ASTN2: variants seen among roughly 807,000 people sequenced by gnomAD.
The protein encoded by ASTN2 is astrotactin-2.
A neutral mutation model predicts 139.8 loss-of-function variants in ASTN2; 54 were observed. The observed-to-expected ratio is 0.39, with a 90% CI of 0.31 to 0.48. The LOEUF (loss-of-function observed/expected upper bound fraction) is 0.48. Among genes scored for constraint, ASTN2 ranks in the 20% least tolerant of loss-of-function variants. The pLI, the probability that ASTN2 is intolerant of heterozygous loss-of-function variation, is 0.95. For synonymous variants in ASTN2, 756 were observed against 719.5 expected, an observed-to-expected ratio of 1.05 and a Z score of -0.81; for missense variants, 1,565 against 1,725.1, an observed-to-expected ratio of 0.91 and a Z score of 1.64.
chr9:116,943,673 C>A, intron 10 of ASTN2, among the ~76,000 whole-genome samples: 1 of 152,090 alleles, frequency 6.6e-6, no homozygotes, highest in Non-Finnish European at 1.5e-5. Flanking sequence ...ACATAAAATC[C>A]CTATCTTTGG....
chr9:117,074,088 T>C (rs1422325335), intron 5 of ASTN2, among the ~76,000 whole-genome samples: 3 of 70,388 alleles, frequency 4.3e-5, no homozygotes, highest in East Asian at 4.5e-4. Context: ...TTCTGTTCTA[T>C]TGAGGAAAAA....
intron 1 of ASTN2, among the ~76,000 whole-genome samples, chr9:117,350,013 A>G (rs1039776854): frequency 1.3e-5 from 2 of 152,206 alleles, no homozygotes; most frequent in Admixed American, 1.3e-4. Context: ...AGTCTATAGT[A>G]TAGTTAACAG....
chr9:116,480,626 G>C (rs1451471444), intron 20 of ASTN2, among the ~76,000 whole-genome samples: 3 of 152,178 alleles, frequency 2.0e-5, no homozygotes, highest in African/African-American at 2.4e-5. Flanking sequence ...GTGTGTCTGT[G>C]TGCATGACAG....
chr9:117,088,805 G>A (rs1318250735), intron 5 of ASTN2, among the ~76,000 whole-genome samples: 6 of 152,168 alleles, frequency 3.9e-5, no homozygotes, highest in African/African-American at 1.2e-4. Flanking sequence ...TGAGAAAAGC[G>A]AGGTCCAGAG....
At chr9:117,157,850 A>C (rs1015476225) in intron 3 of ASTN2, among the ~76,000 whole-genome samples, 4 of 151,992 alleles carry the variant, frequency 2.6e-5, no homozygotes, top group African/African-American at 9.7e-5. Flanking sequence ...CATATATAAG[A>C]AGACTTTCAT....
intron 2 of ASTN2, among the ~76,000 whole-genome samples, chr9:117,242,990 C>A (rs2133076784): frequency 6.6e-6 from 1 of 152,358 alleles, no homozygotes; most frequent in Non-Finnish European, 1.5e-5. Flanking sequence ...CCATCGTCAT[C>A]ATCATCATCA....
intron 10 of ASTN2, among the ~76,000 whole-genome samples, chr9:116,870,674 T>C (rs573529293): frequency 5.3e-5 from 8 of 152,172 alleles, no homozygotes; most frequent in Non-Finnish European, 2.9e-5. Context: ...CCTAATTACC[T>C]GACCGGTAAA....
intron 11 of ASTN2, among the ~76,000 whole-genome samples, chr9:116,838,587 C>A (rs908801238): frequency 6.1e-5 from 7 of 114,086 alleles, no homozygotes; most frequent in Admixed American, 6.1e-4. Flanking sequence ...CCATGCCCAG[C>A]AATTTTTTTT....
At chr9:117,408,394 C>T (rs1375282360) in intron 1 of ASTN2, among the ~76,000 whole-genome samples, 1 of 152,142 alleles carries the variant, frequency 6.6e-6, no homozygotes, top group Non-Finnish European at 1.5e-5. Flanking sequence ...CCTTGTGAGT[C>T]TGTGATGCTG....
chr9:117,076,669 T>C lies in ASTN2; in HGVS notation c.1276+19375A>G, dbSNP rs764648437. 9.2e-5 allele frequency among the ~76,000 whole-genome samples: 14 copies of C among 152,130 alleles called. 1 individual carries two copies. In the South Asian group the frequency reaches 1.0e-3, roughly 11 times the overall value. On this transcript the variant is annotated intron_variant, in intron 5 of 22. Coordinates refer to ENST00000313400, the MANE Select transcript of ASTN2 (RefSeq NM_001365068.1). ...AATTCAGGTGAAAATGACACCAACT[T>C]GTCTAAGGCAGGGGCAGCGGGGGTG... is the stretch of plus-strand genomic sequence containing the variant.
At chr9:117,063,197 C>A (rs998461671) in intron 5 of ASTN2, among the ~76,000 whole-genome samples, 1 of 152,126 alleles carries the variant, frequency 6.6e-6, no homozygotes, top group African/African-American at 2.4e-5. Flanking sequence ...AATTCTTAGA[C>A]ACAGTTTATA....
chr9:116,594,590 T>C (rs543546111), intron 19 of ASTN2, among the ~76,000 whole-genome samples: 1 of 152,330 alleles, frequency 6.6e-6, no homozygotes, highest in Non-Finnish European at 1.5e-5. Flanking sequence ...AGTCACTTTA[T>C]GTTCAGCCAG....
chr9:117,082,903 T>C (rs1364026114), intron 5 of ASTN2, among the ~76,000 whole-genome samples: 2 of 152,224 alleles, frequency 1.3e-5, no homozygotes, highest in Non-Finnish European at 2.9e-5. Flanking sequence ...TGCCATTTTT[T>C]AGAGCTTGGC....
chr9:116,895,485 G>A (rs746746349), intron 10 of ASTN2, among the ~76,000 whole-genome samples: 21 of 152,142 alleles, frequency 1.4e-4, no homozygotes, highest in Non-Finnish European at 2.5e-4. Flanking sequence ...TTCATAAGAG[G>A]GTGGAAGTGG....
At chr9:117,106,224 T>C (rs969072646) in intron 4 of ASTN2, among the ~76,000 whole-genome samples, 1 of 152,136 alleles carries the variant, frequency 6.6e-6, no homozygotes, top group African/African-American at 2.4e-5. Flanking sequence ...CATATTTCTT[T>C]TCTTCTTTTT....
intron 19 of ASTN2, among the ~76,000 whole-genome samples, chr9:116,512,590 T>G (rs1228044745): frequency 6.6e-6 from 1 of 152,190 alleles, no homozygotes; most frequent in Non-Finnish European, 1.5e-5. Flanking sequence ...CTGTCTAATG[T>G]TGACAGTGGG....
At chr9:117,348,428 A>T (rs1007258953) in intron 1 of ASTN2, among the ~76,000 whole-genome samples, 1 of 152,210 alleles carries the variant, frequency 6.6e-6, no homozygotes, top group African/African-American at 2.4e-5. Flanking sequence ...GTCTCTGAAA[A>T]TGTGTCCCAT....
At chr9:116,802,083 CTTTTTTTTTTT>C (rs796156202) in intron 13 of ASTN2, among the ~76,000 whole-genome samples, 21 of 121,742 alleles carry the variant, frequency 1.7e-4, no homozygotes, top group Middle Eastern at 3.9e-3. Flanking sequence ...TTCTTTCTTT[CTTTTTTTTTTT>C]TTTTTTTTTT....
At chr9:116,680,363 G>A in intron 16 of ASTN2, among the ~76,000 whole-genome samples, 1 of 152,184 alleles carries the variant, frequency 6.6e-6, no homozygotes, top group Non-Finnish European at 1.5e-5. Context: ...AACAGGATCT[G>A]AAATTGTGGC....
Sources: allele counts gnomAD v4.1 joint callset (sites outside exome capture counted in the v4.1 genomes callset), GRCh38; gene constraint gnomAD v4.1.1; transcripts MANE v1.5; gene names NCBI Gene and HGNC (gene_info 2026-07-23, HGNC 2026-07-21).